KIAA1217: variants seen among roughly 807,000 people sequenced by gnomAD.
The protein encoded by KIAA1217 is KIAA1217, also known as sickle tail protein homolog.
In KIAA1217, 88 loss-of-function variants were observed where a neutral mutation model predicts 163.9. The observed-to-expected ratio is 0.54, with a 90% confidence interval of 0.45 to 0.64. The LOEUF is 0.64. Among genes scored for constraint, KIAA1217 ranks in the 30% least tolerant of loss-of-function variants. The pLI, the probability that KIAA1217 is intolerant of heterozygous loss-of-function variation, is 0.00. For missense variants in KIAA1217, 2,372 were observed against 2,475.0 expected (o/e 0.96, Z 0.88); for synonymous variants, 903 against 923.1 (o/e 0.98, Z 0.39).
At chr10:24,269,473 A>G (rs182640519) in intron 2 of KIAA1217, among the ~76,000 whole-genome samples, 277 of 152,282 alleles carry the variant, frequency 1.8e-3, no homozygotes, top group Middle Eastern at 3.4e-3. Context: ...GCTGTGAGCC[A>G]TGACCGTGCC....
chr10:24,422,924 A>ATTTTT (rs2058858708), intron 3 of KIAA1217, among the ~76,000 whole-genome samples: 2 of 84,922 alleles, frequency 2.4e-5, no homozygotes, highest in Admixed American at 1.4e-4. Flanking sequence ...TTTTTTTTTG[A>ATTTTT]GACAGAGTCT....
chr10:24,006,849 G>A (rs1027995444), intron 1 of KIAA1217, among the ~76,000 whole-genome samples: 1 of 152,102 alleles, frequency 6.6e-6, no homozygotes, highest in African/African-American at 2.4e-5. Flanking sequence ...TTAGAGATGC[G>A]AGTCTGCAAT....
chr10:24,092,914 T>C (rs952799824), intron 2 of KIAA1217, among the ~76,000 whole-genome samples: 1 of 136,940 alleles, frequency 7.3e-6, no homozygotes, highest in Non-Finnish European at 1.5e-5. Context: ...AGTGTGTGTG[T>C]GTGTGTGTGT....
At chr10:23,962,792 G>T (rs1844872698) in intron 1 of KIAA1217, among the ~76,000 whole-genome samples, 1 of 152,122 alleles carries the variant, frequency 6.6e-6, no homozygotes, top group South Asian at 2.1e-4. Flanking sequence ...CTTCTGTATA[G>T]AAAAAGATAA....
rs147601085 is a variant in KIAA1217 at position 23,921,703 on chromosome 10, C to A, written c.-320-85522C>A. ...GTTCAGGGATGAGCAGGTGCACCCC[C>A]CTGGCTGTTTGGTTGCAGGTTAGTG... On this transcript the variant is annotated intron_variant, in intron 1 of 18. Coordinates refer to the KIAA1217 transcript ENST00000376462. Among the ~76,000 whole-genome samples, 460 of 152,192 alleles carry A rather than the reference C, an allele frequency of 3.0e-3. 2 individuals are homozygous for A. Among genetic ancestry groups the A allele is most frequent in the African/African-American group, 0.011 (437 of 41,530 alleles).
chr10:23,987,282 C>A lies in KIAA1217; in HGVS notation c.-320-19943C>A, dbSNP rs532480305. ...GTCCCAGCTACTCCGGAGGCTGAGG[C>A]AGGAGAATGGCGTGAACCCGGGAGG... On this transcript the variant is annotated intron_variant, in intron 1 of 18. Transcript: ENST00000376462. Among the ~76,000 whole-genome samples, 5 of 148,602 alleles carry A rather than the reference C, an allele frequency of 3.4e-5. No individual in the cohort carries two copies. The South Asian group carries it at 1.1e-3, about 32-fold the overall frequency.
At chr10:23,926,749 A>ATAAATAAATAAGTAAG in intron 1 of KIAA1217, among the ~76,000 whole-genome samples, 1 of 151,462 alleles carries the variant, frequency 6.6e-6, no homozygotes, top group African/African-American at 2.4e-5. Flanking sequence ...AAATAAATAA[A>ATAAATAAATAAGTAAG]TAAATAAATA....
At chr10:24,119,684 C>T (rs1373376161) in intron 2 of KIAA1217, among the ~76,000 whole-genome samples, 2 of 152,130 alleles carry the variant, frequency 1.3e-5, no homozygotes, top group African/African-American at 2.4e-5. Flanking sequence ...CCCTTAGGGG[C>T]TCCTAACATC....
At chr10:23,701,754 G>A (rs1007495571) in intron 1 of KIAA1217, among the ~76,000 whole-genome samples, 12 of 152,170 alleles carry the variant, frequency 7.9e-5, no homozygotes, top group Non-Finnish European at 1.5e-4. Context: ...TGGGTTGATA[G>A]GATATTTTCA....
At chr10:24,234,812 G>C (rs1444068680) in intron 2 of KIAA1217, among the ~76,000 whole-genome samples, 1 of 152,044 alleles carries the variant, frequency 6.6e-6, no homozygotes, top group East Asian at 1.9e-4. Context: ...ATCTTAATTT[G>C]ACAGCAAGTA....
intron 2 of KIAA1217, among the ~76,000 whole-genome samples, chr10:24,279,072 T>C (rs182059968): frequency 1.5e-3 from 223 of 152,160 alleles, no homozygotes; most frequent in African/African-American, 5.2e-3. Flanking sequence ...ACTCCCAACC[T>C]CAGGTGATCC....
intron 2 of KIAA1217, among the ~76,000 whole-genome samples, chr10:24,014,694 G>A (rs924977707): frequency 1.3e-5 from 2 of 152,084 alleles, no homozygotes; most frequent in Admixed American, 6.6e-5. Context: ...CTATTTTTTA[G>A]TATCTTAAGA....
intron 2 of KIAA1217, among the ~76,000 whole-genome samples, chr10:24,234,497 C>T (rs1435290527): frequency 2.0e-5 from 3 of 151,816 alleles, no homozygotes; most frequent in Non-Finnish European, 4.4e-5. Flanking sequence ...AACCCTGTCT[C>T]TACTAAAAAT....
At chr10:24,414,317 T>C (rs2058052867) in intron 3 of KIAA1217, among the ~76,000 whole-genome samples, 1 of 152,178 alleles carries the variant, frequency 6.6e-6, no homozygotes, top group African/African-American at 2.4e-5. Flanking sequence ...ATGAGCTGAA[T>C]TGCTACTATA....
chr10:24,073,497 A>G (rs1412083162), intron 2 of KIAA1217, among the ~76,000 whole-genome samples: 1 of 152,236 alleles, frequency 6.6e-6, no homozygotes, highest in African/African-American at 2.4e-5. Flanking sequence ...TTTGGAAGTT[A>G]TCAGCTTATT....
At chr10:24,098,542 C>T (rs1313878625) in intron 2 of KIAA1217, among the ~76,000 whole-genome samples, 1 of 152,106 alleles carries the variant, frequency 6.6e-6, no homozygotes, top group Non-Finnish European at 1.5e-5. Context: ...AGCCTTGATA[C>T]CCTCTGTGGG....
chr10:24,014,165 C>G (rs1385607431), intron 2 of KIAA1217, among the ~76,000 whole-genome samples: 2 of 151,950 alleles, frequency 1.3e-5, no homozygotes, highest in African/African-American at 4.8e-5. Flanking sequence ...TCCTGGCTAC[C>G]CAGAAAAGGC....
At chr10:24,175,015 CCTGG>C (rs2065804543) in intron 2 of KIAA1217, among the ~76,000 whole-genome samples, 1 of 116,844 alleles carries the variant, frequency 8.6e-6, no homozygotes, top group African/African-American at 3.0e-5. Context: ...CACCACCATG[CCTGG>C]CTAATTTTTT....
At chr10:24,469,280 C>T (rs1478031953) in intron 5 of KIAA1217, among the ~76,000 whole-genome samples, 1 of 151,266 alleles carries the variant, frequency 6.6e-6, no homozygotes, top group East Asian at 2.0e-4. Flanking sequence ...GCATGCACTG[C>T]GCCTGGCTAA....
Sources: gnomAD v4.1 joint callset for allele counts (sites outside exome capture counted in the v4.1 genomes callset) on GRCh38, gnomAD v4.1.1 for gene constraint, MANE v1.5 for transcripts, NCBI Gene and HGNC (gene_info 2026-07-23, HGNC 2026-07-21) for gene names.